Variants in TMPRSS7 observed in about 807,000 individuals in gnomAD.
TMPRSS7 encodes the protein transmembrane serine protease 7, also known as transmembrane protease serine 7.
A neutral mutation model predicts 95.6 loss-of-function variants in TMPRSS7; 81 were observed. That is an observed-to-expected ratio of 0.85 (90% CI 0.71 to 1.02). The LOEUF (loss-of-function observed/expected upper bound fraction) is 1.02. Ranked by LOEUF, TMPRSS7 falls within the 50% of genes least tolerant of loss-of-function variation. The probability of loss-of-function intolerance (pLI) is 0.00; values close to 1 mark genes in which losing one functional copy is unlikely to be tolerated. For synonymous variants in TMPRSS7, 364 were observed against 337.8 expected (o/e 1.08, Z -0.85); for missense variants, 945 against 955.2 (o/e 0.99, Z 0.14).
chr3:112,044,329 C>T lies in TMPRSS7; in HGVS notation c.497+7C>T. On this transcript the variant is annotated splice_region_variant and intron_variant, in intron 4 of 17. Coordinates refer to ENST00000452346, the Ensembl canonical transcript of TMPRSS7. ...CTGTTGTTGCAGATGTCAGGTAATG[C>T]ATGTCCCTTGTTTTGAGATTTCTGT... The T allele has an allele frequency of 6.5e-7, 1 of 1,549,458 alleles. No individual in the cohort carries two copies. Among genetic ancestry groups the T allele is most frequent in the Non-Finnish European group, 8.7e-7 (1 of 1,145,174 alleles).
At chr3:112,062,824 G>C (rs1232718110) in intron 11 of TMPRSS7, among the ~76,000 whole-genome samples, 1 of 152,046 alleles carries the variant, frequency 6.6e-6, no homozygotes, top group Admixed American at 6.6e-5. Flanking sequence ...TTTGCAAAAG[G>C]GGAGGAAGGA....
At chr3:112,075,415 T>A (rs1329847636) in exon 15 of TMPRSS7, 1 of 1,553,870 alleles carries the variant, frequency 6.4e-7, no homozygotes, top group Admixed American at 1.9e-5. Context: ...TCCACTTTGT[T>A]GGATCTGCCT....
At chr3:112,078,909 ATGTTG>A in intron 17 of TMPRSS7, 31 bp downstream of exon 17, 1 of 1,607,262 alleles carries the variant, frequency 6.2e-7, no homozygotes, top group Non-Finnish European at 8.5e-7. Context: ...CTTGCCTAAC[ATGTTG>A]TGCTTTCCAT....
At chr3:112,066,456 C>A (rs778150449) in exon 13 of TMPRSS7, 1 of 1,614,018 alleles carries the variant, frequency 6.2e-7, no homozygotes, top group African/African-American at 1.3e-5. Context: ...TCTGTGATGG[C>A]TTCAGGGACT....
At position 112,051,329 on chromosome 3, in the gene TMPRSS7, G is replaced by T. The variant is rs933267651; in HGVS notation, c.1203+546G>T. On this transcript the variant is annotated intron_variant, in intron 9 of 17. Coordinates refer to ENST00000452346, the Ensembl canonical transcript of TMPRSS7. ...TAGGTATTATAAGTAATCTAGAGATGATTTAAAGTATATAGAGGATGTGCA... is the reference window on the plus strand; with the variant it reads ...TAGGTATTATAAGTAATCTAGAGATTATTTAAAGTATATAGAGGATGTGCA... Among the ~76,000 whole-genome samples, 56 of 152,168 alleles carry T rather than the reference G, an allele frequency of 3.7e-4. 1 individual carries two copies. Among genetic ancestry groups the T allele is most frequent in the African/African-American group, 1.3e-3 (52 of 41,516 alleles).
rs148698897 is a variant in TMPRSS7, at chr3:112,066,539, A to G, written c.1666+37A>G. 3.3e-5 allele frequency: 52 copies of G among 1,577,542 alleles called. No homozygotes were observed. The African/African-American group carries it at 6.5e-4, about 20-fold the overall frequency. ...TCCTCTGTGCCCTGCTGTTCCTCCT[A>G]TGAAACTCTTCTAAATCAGGACAAA... On this transcript the variant is annotated intron_variant, in intron 13 of 17. Transcript: ENST00000452346.
intron 7 of TMPRSS7, among the ~76,000 whole-genome samples, chr3:112,048,497 C>G (rs895458635): frequency 6.6e-6 from 1 of 152,136 alleles, no homozygotes; most frequent in Non-Finnish European, 1.5e-5. Context: ...ATTACACACA[C>G]ATATACATAC....
chr3:112,042,829 A>T (rs2073226186), intron 3 of TMPRSS7: 1 of 335,056 alleles, frequency 3.0e-6, no homozygotes, highest in South Asian at 2.3e-5. Flanking sequence ...GGTTTCCTAA[A>T]AGCATAATTA....
chr3:112,067,868 A>T (rs772422635), intron 13 of TMPRSS7, among the ~76,000 whole-genome samples: 3 of 152,176 alleles, frequency 2.0e-5, no homozygotes, highest in Admixed American at 2.0e-4. Context: ...GCTTTTGTTG[A>T]CATTGCTTTT....
chr3:112,040,944 G>T (rs187591947), intron 2 of TMPRSS7, among the ~76,000 whole-genome samples: 4 of 152,214 alleles, frequency 2.6e-5, no homozygotes, highest in African/African-American at 9.6e-5. Context: ...AATGTAGTCT[G>T]ATTGAATGCT....
intron 10 of TMPRSS7, among the ~76,000 whole-genome samples, chr3:112,059,047 G>A (rs1303079620): frequency 6.6e-6 from 1 of 152,202 alleles, no homozygotes; most frequent in Non-Finnish European, 1.5e-5. Flanking sequence ...TAATGGGGAA[G>A]GAGGAAAAAG....
exon 18 of TMPRSS7, chr3:112,080,924 G>A: frequency 1.2e-6 from 2 of 1,613,100 alleles, no homozygotes; most frequent in Non-Finnish European, 1.7e-6. Flanking sequence ...GGAGATTCGG[G>A]TGGACCTTTA....
At chr3:112,038,522 G>A (rs540187894) in intron 2 of TMPRSS7, among the ~76,000 whole-genome samples, 1 of 152,310 alleles carries the variant, frequency 6.6e-6, no homozygotes, top group Admixed American at 6.5e-5. Flanking sequence ...CCAGGCTGGA[G>A]TGTAGTGGCA....
intron 13 of TMPRSS7, among the ~76,000 whole-genome samples, chr3:112,070,316 G>A (rs556876700): frequency 2.6e-5 from 4 of 152,208 alleles, no homozygotes; most frequent in Admixed American, 2.6e-4. Flanking sequence ...TTGATTTGGG[G>A]TAGAGAGTTC....
chr3:112,070,202 T>C (rs2073625586), intron 13 of TMPRSS7, among the ~76,000 whole-genome samples: 1 of 152,216 alleles, frequency 6.6e-6, no homozygotes, highest in Non-Finnish European at 1.5e-5. Context: ...AGACAGTTTG[T>C]TGTGATTTCT....
At position 112,076,846 on chromosome 3, in the gene TMPRSS7, T is replaced by G. The variant is rs772001582; in HGVS notation, c.1956-30T>G. ...AACTGTATGTGGTTCTTTAAGCTGC[T>G]AACTTTATGTTTCATTACTGTTCTA... On this transcript the variant is annotated intron_variant, in intron 15 of 17. Coordinates refer to ENST00000452346, the Ensembl canonical transcript of TMPRSS7. The G allele has an allele frequency of 1.9e-6, 3 of 1,603,692 alleles. No homozygotes were observed. In the South Asian group the frequency reaches 3.4e-5, roughly 18 times the overall value.
intron 13 of TMPRSS7, among the ~76,000 whole-genome samples, chr3:112,067,676 T>C (rs985064894): frequency 6.6e-6 from 1 of 152,226 alleles, no homozygotes; most frequent in Non-Finnish European, 1.5e-5. Flanking sequence ...TTGATGGGGT[T>C]GCTTGTTTTT....
chr3:112,067,075 C>T (rs1271788247), intron 13 of TMPRSS7, among the ~76,000 whole-genome samples: 1 of 152,142 alleles, frequency 6.6e-6, no homozygotes, highest in East Asian at 1.9e-4. Flanking sequence ...TGAGAACATG[C>T]AGTGTTTGGT....
chr3:112,044,125 T>G, intron 3 of TMPRSS7, 130 bp from the exon 4 acceptor site: 1 of 626,610 alleles, frequency 1.6e-6, no homozygotes, highest in Non-Finnish European at 2.9e-6. Flanking sequence ...GGGTGTGGAG[T>G]TAGGAGCCTT....
Sources: gnomAD v4.1 joint callset for allele counts (sites outside exome capture counted in the v4.1 genomes callset) on GRCh38, gnomAD v4.1.1 for gene constraint, MANE v1.5 for transcripts, NCBI Gene and HGNC (gene_info 2026-07-23, HGNC 2026-07-21) for gene names.